Variants in LRRTM4 observed in about 807,000 individuals in gnomAD.
LRRTM4 encodes the protein leucine-rich repeat transmembrane neuronal protein 4.
A neutral mutation model predicts 47.6 loss-of-function variants in LRRTM4; 25 were observed. The ratio of observed to expected loss-of-function variants is 0.53; its 90% CI spans 0.38 to 0.73. The LOEUF (loss-of-function observed/expected upper bound fraction) is 0.73, where lower values mean the gene tolerates loss of function less well. Ranked by LOEUF, LRRTM4 falls within the 30% of genes least tolerant of loss-of-function variation. The pLI, the probability that LRRTM4 is intolerant of heterozygous loss-of-function variation, is 0.00. For missense variants in LRRTM4, 638 were observed against 713.4 expected, an observed-to-expected ratio of 0.89 and a Z score of 1.20; for synonymous variants, 311 against 269.5, an observed-to-expected ratio of 1.15 and a Z score of -1.51.
At chr2:76,823,773 A>C (rs1160290374) in intron 3 of LRRTM4, among the ~76,000 whole-genome samples, 190 of 151,572 alleles carry the variant, frequency 1.3e-3, no homozygotes, top group Non-Finnish European at 2.6e-3. Context: ...ATATCAAAAA[A>C]TAAAAGTCAA....
intron 3 of LRRTM4, among the ~76,000 whole-genome samples, chr2:76,758,146 T>C (rs550311616): frequency 5.9e-5 from 9 of 152,170 alleles, no homozygotes; most frequent in Non-Finnish European, 1.2e-4. Flanking sequence ...GCATCTTGCC[T>C]GAGAAGGATG....
chr2:77,519,204 A>C lies in LRRTM4; in HGVS notation c.665T>G (p.Phe222Cys). The C allele has an allele frequency of 6.2e-7, 1 of 1,613,322 alleles. No homozygotes were observed. The highest frequency in any genetic ancestry group is 8.5e-7 in the Non-Finnish European group (1 of 1,179,594). ...GTTGAAGAGACGTGGAAAATGAGCA[A>C]AGTTGATCTTGGAAAACTGGTTGTG... The part of the protein sequence containing the change: ...LEHNQFSKIN[F>C]AHFPRLFNLR... The change falls in exon 3 of 4, where the codon TTT becomes TGT. Residue 222 changes from phenylalanine to cysteine, a missense_variant. Physicochemically the swap from Phe to Cys is radical, Grantham distance 205 (BLOSUM62 -2). Coordinates refer to ENST00000409884, the MANE Select transcript of LRRTM4 (RefSeq NM_001134745.3). The surrounding 1 kb of genome is among the most constrained non-coding windows in gnomAD (Gnocchi z 4.6).
chr2:76,817,657 G>A (rs903362920), intron 3 of LRRTM4, among the ~76,000 whole-genome samples: 1 of 151,974 alleles, frequency 6.6e-6, no homozygotes, highest in African/African-American at 2.4e-5. Context: ...CAGAGAATGA[G>A]GCTATGCCCA....
chr2:76,859,493 G>GA (rs1051699551), intron 3 of LRRTM4, among the ~76,000 whole-genome samples: 3 of 152,070 alleles, frequency 2.0e-5, no homozygotes, highest in African/African-American at 7.2e-5. Context: ...AAAATGATGT[G>GA]AAAAAAGCCA....
chr2:77,340,512 G>A (rs1362695826), intron 3 of LRRTM4, among the ~76,000 whole-genome samples: 1 of 151,892 alleles, frequency 6.6e-6, no homozygotes, highest in African/African-American at 2.4e-5. Flanking sequence ...AAACTTAAAT[G>A]CTGAAATAGC....
intron 3 of LRRTM4, among the ~76,000 whole-genome samples, chr2:77,369,039 A>C (rs574719728): frequency 6.6e-6 from 1 of 151,844 alleles, no homozygotes; most frequent in African/African-American, 2.4e-5. Context: ...CGATTCAAAC[A>C]GGTATGAGGT....
At chr2:76,758,926 C>A (rs1673157729) in intron 3 of LRRTM4, among the ~76,000 whole-genome samples, 1 of 152,088 alleles carries the variant, frequency 6.6e-6, no homozygotes, top group South Asian at 2.1e-4. Flanking sequence ...AGAGAATAGG[C>A]TTGAACAAAA....
At chr2:77,054,870 T>C (rs919041411) in intron 3 of LRRTM4, among the ~76,000 whole-genome samples, 3 of 152,184 alleles carry the variant, frequency 2.0e-5, no homozygotes, top group African/African-American at 7.2e-5. Context: ...GCTGGAAATA[T>C]TCATTTTTGA....
At chr2:77,029,413 C>T (rs537513813) in intron 3 of LRRTM4, among the ~76,000 whole-genome samples, 6 of 152,202 alleles carry the variant, frequency 3.9e-5, no homozygotes, top group African/African-American at 9.6e-5. Context: ...GCAAACCATT[C>T]GTGTAAGTCC....
At position 77,518,982 on chromosome 2, in the gene LRRTM4, G is replaced by A; in HGVS notation, c.887C>T (p.Thr296Ile). The part of the protein sequence containing the change: ...SNKLTNISQE[T>I]VNAWISLISI... ...TATTAATGATATCCACGCATTGACA[G>A]TTTCCTGTGAGATATTGGTGAGCTT... Residue 296 changes from threonine (T) to isoleucine (I), a missense_variant, in exon 3 of 4, where the codon ACT becomes ATT. By Grantham distance (89) the Thr-to-Ile change is moderately conservative. Transcript: ENST00000409884. 1 of 1,611,900 alleles carries A rather than the reference G, an allele frequency of 6.2e-7. No homozygotes were observed. Among genetic ancestry groups the A allele is most frequent in the Admixed American group, 1.7e-5 (1 of 59,652 alleles).
chr2:77,426,790 C>T (rs1675122589), intron 3 of LRRTM4, among the ~76,000 whole-genome samples: 1 of 151,250 alleles, frequency 6.6e-6, no homozygotes, highest in East Asian at 1.9e-4. Context: ...AATATGTACA[C>T]ACACAGAGGT....
intron 3 of LRRTM4, among the ~76,000 whole-genome samples, chr2:76,914,345 TCTA>T (rs1231722466): frequency 6.6e-6 from 1 of 152,112 alleles, no homozygotes. Context: ...TCTTTAAAAT[TCTA>T]CTTTTTTTCT....
chr2:77,033,624 A>G (rs1465689793), intron 3 of LRRTM4, among the ~76,000 whole-genome samples: 1 of 151,914 alleles, frequency 6.6e-6, no homozygotes. Context: ...CTTAGTTTAG[A>G]TTATAATTCT....
rs1372969629 is a variant in LRRTM4 at position 77,518,331 on chromosome 2, G to C, written c.1538C>G (p.Ser513Cys). The change falls in exon 3 of 4, where the codon TCC becomes TGC. Residue 513 changes from serine to cysteine, a missense_variant. By Grantham distance (112) the Ser-to-Cys change is moderately radical. Transcript: ENST00000409884. Reference sequence around the variant, plus strand: ...CATGGTTCATACCTCACATTCCCTGGAGCCAGAGATGGTATATGTGCAGGG... The same window carrying C: ...CATGGTTCATACCTCACATTCCCTGCAGCCAGAGATGGTATATGTGCAGGG... Reference protein sequence around the residue: ...SGPCTYTISGSRECEMPHHMK... With the variant: ...SGPCTYTISGCRECEMPHHMK... The C allele has an allele frequency of 1.2e-6, 2 of 1,606,158 alleles. No homozygotes were observed. The highest frequency in any genetic ancestry group is 2.2e-5 in the South Asian group (2 of 90,180).
At chr2:77,333,180 C>T (rs1671033490) in intron 3 of LRRTM4, among the ~76,000 whole-genome samples, 1 of 152,160 alleles carries the variant, frequency 6.6e-6, no homozygotes, top group Non-Finnish European at 1.5e-5. Flanking sequence ...TTGTAAATTG[C>T]CCAGTCTTTG....
intron 3 of LRRTM4, among the ~76,000 whole-genome samples, chr2:77,279,016 C>T (rs916714561): frequency 6.6e-6 from 1 of 151,906 alleles, no homozygotes; most frequent in East Asian, 1.9e-4. Flanking sequence ...ATGATGCATG[C>T]CTTTGGAGAT....
chr2:76,853,168 G>A (rs777939477), intron 3 of LRRTM4, among the ~76,000 whole-genome samples: 1 of 151,958 alleles, frequency 6.6e-6, no homozygotes, highest in African/African-American at 2.4e-5. Context: ...ATCACATTTG[G>A]TGTTAGATAG....
At chr2:77,438,341 G>A (rs1675687914) in intron 3 of LRRTM4, among the ~76,000 whole-genome samples, 1 of 148,976 alleles carries the variant, frequency 6.7e-6, no homozygotes, top group African/African-American at 2.5e-5. Context: ...ATAATAGTGT[G>A]TCTCAAATAG....
chr2:76,906,355 G>A (rs970073638), intron 3 of LRRTM4, among the ~76,000 whole-genome samples: 70 of 152,108 alleles, frequency 4.6e-4, no homozygotes, highest in Middle Eastern at 6.8e-3. Flanking sequence ...AGCGCTAAAC[G>A]TGGAAAGGAA....
Sources: allele counts gnomAD v4.1 joint callset (sites outside exome capture counted in the v4.1 genomes callset), GRCh38; gene constraint gnomAD v4.1.1; non-coding constraint Gnocchi (gnomAD v3.1); transcripts MANE v1.5; gene names NCBI Gene and HGNC (gene_info 2026-07-23, HGNC 2026-07-21).